GBP4: variants seen among roughly 807,000 people sequenced by gnomAD.
The protein encoded by GBP4 is guanylate-binding protein 4.
Under a neutral mutation model 62.2 loss-of-function variants are expected in GBP4, and 69 were observed. That is an observed-to-expected ratio of 1.11 (90% CI 0.91 to 1.36). The LOEUF (loss-of-function observed/expected upper bound fraction) is 1.36. Ranked by LOEUF, GBP4 falls within the 40% of genes most tolerant of loss-of-function variation. The pLI, the probability that GBP4 is intolerant of heterozygous loss-of-function variation, is 0.00. For synonymous variants in GBP4, 278 were observed against 274.6 expected, an observed-to-expected ratio of 1.01 and a Z score of -0.12; for missense variants, 697 against 759.3, an observed-to-expected ratio of 0.92 and a Z score of 0.96.
rs1647955725 is a variant in GBP4, at chr1:89,183,798, T to C, written c.*1456A>G. The stretch of plus-strand genomic sequence containing the variant: ...GGGGGGTTGAGGTGAAAGGACTGCT[T>C]GAGCCTGGGAGGTTGAGGCTACAAT... On this transcript the variant is annotated 3_prime_UTR_variant, in exon 11 of 11. Transcript: ENST00000355754. 1 of 152,244 alleles carries C rather than the reference T, an allele frequency of 6.6e-6. No homozygotes were observed. The highest frequency in any genetic ancestry group is 2.4e-5 in the African/African-American group (1 of 41,448). The allele number at this position is 152,244 out of a possible 1,614,324, so 9.4% of individuals were successfully genotyped here. A position where few individuals can be genotyped will look rare whatever the true frequency, so the allele number is the denominator to read the frequency against.
chr1:89,186,894 G>A (rs930496071), intron 9 of GBP4, 106 bp downstream of exon 9: 14 of 991,100 alleles, frequency 1.4e-5, no homozygotes, highest in Non-Finnish European at 2.2e-5. Context: ...CTCAATGTTT[G>A]TGACTTTTGA....
Position 89,188,809 on chromosome 1 carries a change from T to C in GBP4, c.1198-15A>G, listed in dbSNP as rs768844304. 1 of 1,613,442 alleles carries C rather than the reference T, an allele frequency of 6.2e-7. No homozygotes were observed. The highest frequency in any genetic ancestry group is 8.5e-7 in the Non-Finnish European group (1 of 1,179,588). ...TCTATGGTGTCCTGCCAGAAAAATG[T>C]AGAGAAAACAGTAGAAAGAAGCTGT... On this transcript the variant is annotated splice_polypyrimidine_tract_variant and intron_variant, in intron 7 of 10. Transcript: ENST00000355754.
At chr1:89,198,154 G>A (rs1196861062) in intron 1 of GBP4, among the ~76,000 whole-genome samples, 1 of 152,068 alleles carries the variant, frequency 6.6e-6, no homozygotes, top group African/African-American at 2.4e-5. Context: ...ATAGAAGCGG[G>A]GCTTTGGGCT....
chr1:89,197,089 C>G (rs765784133), intron 2 of GBP4, 21 bp downstream of exon 2: 1 of 1,582,892 alleles, frequency 6.3e-7, no homozygotes, highest in African/African-American at 1.3e-5. Context: ...TAAATGGCTC[C>G]TGTCCTAGGA....
Position 89,185,120 on chromosome 1 carries a change from A to T in GBP4, c.*134T>A. ...TGTCAGGCCCTGATATTCTTTGATA[A>T]TCACTTTTTAATTTTAAACTTTTCT... On this transcript the variant is annotated 3_prime_UTR_variant, in exon 11 of 11. Coordinates refer to ENST00000355754, the MANE Select transcript of GBP4 (RefSeq NM_052941.5). 1.8e-6 allele frequency: 1 copy of T among 542,644 alleles called. No homozygotes were observed. Among genetic ancestry groups the T allele is most frequent in the Non-Finnish European group, 3.2e-6 (1 of 308,350 alleles). The allele number at this position is 542,644 out of a possible 1,614,324, so 33.6% of individuals were successfully genotyped here. A position where few individuals can be genotyped will look rare whatever the true frequency, so the allele number is the denominator to read the frequency against.
At position 89,188,560 on chromosome 1, in the gene GBP4, C is replaced by T. The variant is rs149754036; in HGVS notation, c.1410+22G>A. ...CCTCTGACTATCCTCTGTTATCCAT[C>T]CCCCATTCCCCTTTTCCTCACCTTA... On this transcript the variant is annotated intron_variant, in intron 8 of 10. Transcript: ENST00000355754. 516 of 1,583,136 alleles carry T rather than the reference C, an allele frequency of 3.3e-4. 3 individuals carry two copies. In the African/African-American group the frequency reaches 6.1e-3, roughly 19 times the overall value.
chr1:89,194,766 T>TA (rs1648284804), intron 3 of GBP4, among the ~76,000 whole-genome samples: 1 of 152,190 alleles, frequency 6.6e-6, no homozygotes, highest in South Asian at 2.1e-4. Flanking sequence ...GTGATAAAAT[T>TA]AATGCTTTTC....
At position 89,191,276 on chromosome 1, in the gene GBP4, T is replaced by A; in HGVS notation, c.901A>T (p.Ile301Phe). 6.2e-7 allele frequency: 1 copy of A among 1,612,400 alleles called. No homozygotes were observed. Among genetic ancestry groups the A allele is most frequent in the Non-Finnish European group, 8.5e-7 (1 of 1,178,470 alleles). ...AAAGACTCACGCTTTCCAGTGACAA[T>A]GATTCCCTCTCTCAGGGTCTTGGTC... is the stretch of plus-strand genomic sequence containing the variant. ...AKTKTLREGI[I>F]VTGKRLGTLV... Residue 301 changes from isoleucine (I) to phenylalanine (F), a missense_variant, in exon 6 of 11, where the codon ATT (isoleucine) becomes TTT (phenylalanine). By Grantham distance (21) the Ile-to-Phe change is conservative. This residue lies in a region of GBP4 where 556 missense variants were observed against 562.7 expected (regional missense o/e 0.99). Transcript: ENST00000355754.
intron 6 of GBP4, among the ~76,000 whole-genome samples, chr1:89,190,758 G>A (rs1648160922): frequency 6.6e-6 from 1 of 151,744 alleles, no homozygotes; most frequent in African/African-American, 2.4e-5. Context: ...ATTTTTATTT[G>A]AAGACAGTAA....
At chr1:89,193,237 GAC>G (rs954167687) in intron 4 of GBP4, 64 bp downstream of exon 4, 4 of 1,548,408 alleles carry the variant, frequency 2.6e-6, no homozygotes, top group Non-Finnish European at 3.6e-6. Context: ...CAGCAAAGAA[GAC>G]ACAGTATCAA....
At chr1:89,198,326 G>A (rs962312679) in intron 1 of GBP4, among the ~76,000 whole-genome samples, 1 of 152,046 alleles carries the variant, frequency 6.6e-6, no homozygotes, top group African/African-American at 2.4e-5. Context: ...AAGCGGGTGG[G>A]TAAGGGGCTG....
In GBP4 at chr1:89,188,666, A is replaced by C. The variant is rs142230478; in HGVS notation, c.1326T>G (p.Ser442=). 2.6e-5 allele frequency: 42 copies of C among 1,614,126 alleles called. No homozygotes were observed. The highest frequency in any genetic ancestry group is 3.4e-5 in the Non-Finnish European group (40 of 1,180,038). The change falls in exon 8 of 11, where the codon TCT becomes TCG. Residue 442 remains serine (S), a synonymous_variant. Transcript: ENST00000355754. The stretch of plus-strand genomic sequence containing the variant: ...AGTAGAGATTGTGTCCTCCAGGAAC[A>C]GAGAAAATTCCTCTCAAAATGCTTT... ...LTESILRGIF[S]VPGGHNLYLE...
intron 3 of GBP4, among the ~76,000 whole-genome samples, chr1:89,194,108 C>T (rs980615268): frequency 5.9e-5 from 9 of 152,018 alleles, no homozygotes; most frequent in African/African-American, 1.7e-4. Flanking sequence ...TGAAGAAGGA[C>T]GGATAAAGCA....
chr1:89,192,685 T>A (rs1278984721), intron 5 of GBP4, among the ~76,000 whole-genome samples: 2 of 152,204 alleles, frequency 1.3e-5, no homozygotes, highest in African/African-American at 4.8e-5. Context: ...GAACTTCGAG[T>A]TTTAAATTTC....
At chr1:89,189,998 C>A (rs75815237) in intron 7 of GBP4, 40 bp downstream of exon 7, 40,038 of 1,563,892 alleles carry the variant, frequency 0.026, 606 homozygotes, top group Middle Eastern at 0.056. Flanking sequence ...TGCATCATTT[C>A]GGAAGGGCAG....
At chr1:89,198,641 G>C in intron 1 of GBP4, 154 bp downstream of exon 1, 3 of 716,520 alleles carry the variant, frequency 4.2e-6, no homozygotes, top group Non-Finnish European at 7.5e-6. Context: ...GGTTCAAGCA[G>C]CATCAGACTT....
chr1:89,192,634 T>G (rs183533711), intron 5 of GBP4, among the ~76,000 whole-genome samples: 5 of 152,340 alleles, frequency 3.3e-5, no homozygotes, highest in Middle Eastern at 3.4e-3. Context: ...TAATCCTCAA[T>G]ATATTTTTCA....
intron 1 of GBP4, among the ~76,000 whole-genome samples, chr1:89,198,011 A>C (rs1570379465): frequency 6.6e-6 from 1 of 152,200 alleles, no homozygotes; most frequent in South Asian, 2.1e-4. Context: ...TTGGTTTAGA[A>C]AGGAGAGGTT....
Position 89,184,357 on chromosome 1 carries a change from A to G in GBP4, c.*897T>C, listed in dbSNP as rs1647970650. ...TATTCCCAAAGGAATGCATATCCCA[A>G]GGAAATATAAATCATTGTACCATAA... is the stretch of plus-strand genomic sequence containing the variant. On this transcript the variant is annotated 3_prime_UTR_variant, in exon 11 of 11. Transcript: ENST00000355754. 6.6e-6 allele frequency: 1 copy of G among 152,242 alleles called. No individual in the cohort carries two copies. Among genetic ancestry groups the G allele is most frequent in the Non-Finnish European group, 1.5e-5 (1 of 68,038 alleles). The allele number at this position is 152,242 out of a possible 1,614,324, so 9.4% of individuals were successfully genotyped here.
Sources: gnomAD v4.1 joint callset for allele counts (sites outside exome capture counted in the v4.1 genomes callset) on GRCh38, gnomAD v4.1.1 for gene constraint, gnomAD v4.1.1 regional missense constraint, MANE v1.5 for transcripts, NCBI Gene and HGNC (gene_info 2026-07-23, HGNC 2026-07-21) for gene names.